SRP54: variants seen among roughly 807,000 people sequenced by gnomAD.
SRP54 encodes the protein signal recognition particle 54.
A neutral mutation model predicts 64.8 loss-of-function variants in SRP54; 10 were observed. That is an observed-to-expected ratio of 0.15 (90% confidence interval 0.10 to 0.26). The LOEUF is 0.26. Among genes scored for constraint, SRP54 ranks in the 10% least tolerant of loss-of-function variants. SRP54 has a pLI of 1.00. For missense variants in SRP54, 325 were observed against 613.7 expected (o/e 0.53, Z 4.97); for synonymous variants, 193 against 185.6 (o/e 1.04, Z -0.32).
At chr14:35,011,111 A>G (rs1487081589) in intron 7 of SRP54, among the ~76,000 whole-genome samples, 1 of 151,402 alleles carries the variant, frequency 6.6e-6, no homozygotes, top group Non-Finnish European at 1.5e-5. Flanking sequence ...TTTTGTAGAG[A>G]TGGAATCTCA....
chr14:35,014,455 T>C (rs376334843), intron 10 of SRP54, among the ~76,000 whole-genome samples: 1 of 152,010 alleles, frequency 6.6e-6, no homozygotes, highest in East Asian at 1.9e-4. Context: ...TTTTTTTTTA[T>C]TTTTAGTAGA....
chr14:35,026,220 G>GT (rs750286247), intron 14 of SRP54, among the ~76,000 whole-genome samples: 3 of 132,306 alleles, frequency 2.3e-5, no homozygotes, highest in Admixed American at 1.5e-4. Flanking sequence ...TTTTTTGTTT[G>GT]TTTGTTTTGT....
intron 1 of SRP54, among the ~76,000 whole-genome samples, chr14:34,988,801 T>C (rs2138960825): frequency 6.6e-6 from 1 of 151,886 alleles, no homozygotes; most frequent in East Asian, 1.9e-4. Flanking sequence ...TGTCTCTTGC[T>C]ATCTGGGGGG....
At chr14:34,991,109 CTTTTTT>C (rs71435838) in intron 1 of SRP54, among the ~76,000 whole-genome samples, 7 of 111,080 alleles carry the variant, frequency 6.3e-5, no homozygotes, top group African/African-American at 9.9e-5. Context: ...AATTTCTTTT[CTTTTTT>C]TTTTTTTTTT....
Position 34,983,086 on chromosome 14 carries a change from C to G in SRP54, c.-163C>G, listed in dbSNP as rs1402018766. Reference sequence around the variant, plus strand: ...CGTTGGGACCCTACTTTATCTAGTTCGGGAAGTTGGGTTGTGGGGTCATAC... The same window carrying G: ...CGTTGGGACCCTACTTTATCTAGTTGGGGAAGTTGGGTTGTGGGGTCATAC... On this transcript the variant is annotated 5_prime_UTR_variant, in exon 1 of 16. Transcript: ENST00000216774. The G allele has an allele frequency of 1.3e-5, 2 of 152,226 alleles. No individual in the cohort carries two copies. Among genetic ancestry groups the G allele is most frequent in the African/African-American group, 2.4e-5 (1 of 41,440 alleles). 9.4% of individuals were successfully genotyped at this position (152,226 alleles called of 1,614,324 possible). A position where few individuals can be genotyped will look rare whatever the true frequency, so the allele number is the denominator to read the frequency against.
At chr14:35,014,506 C>CT (rs2044407656) in intron 10 of SRP54, among the ~76,000 whole-genome samples, 1 of 152,060 alleles carries the variant, frequency 6.6e-6, no homozygotes. Flanking sequence ...TCTCAAACTC[C>CT]TGACCTCAGG....
intron 4 of SRP54, chr14:35,004,470 A>T (rs533413299): frequency 6.6e-6 from 1 of 152,328 alleles, no homozygotes; most frequent in East Asian, 1.9e-4. Flanking sequence ...ATTTACCAGT[A>T]TAAGATTCAT....
At chr14:35,024,610 C>CT (rs1217322279) in intron 14 of SRP54, among the ~76,000 whole-genome samples, 1 of 148,794 alleles carries the variant, frequency 6.7e-6, no homozygotes, top group East Asian at 1.9e-4. Flanking sequence ...GCCAGCCTAT[C>CT]TTTTTTTATT....
intron 1 of SRP54, among the ~76,000 whole-genome samples, chr14:34,987,028 C>G (rs879518671): frequency 3.3e-5 from 5 of 151,536 alleles, no homozygotes; most frequent in African/African-American, 1.2e-4. Context: ...GTCAGGAGAT[C>G]CAGAGCATCC....
chr14:34,997,078 G>C (rs2044083454), intron 2 of SRP54, among the ~76,000 whole-genome samples: 1 of 151,926 alleles, frequency 6.6e-6, no homozygotes, highest in Non-Finnish European at 1.5e-5. Context: ...CTTAAATCTG[G>C]AACTGTACTT....
chr14:34,993,517 C>G (rs899909068), intron 1 of SRP54: 2 of 151,682 alleles, frequency 1.3e-5, no homozygotes, highest in African/African-American at 4.8e-5. Flanking sequence ...CCAAATTGTA[C>G]TTGAGTGAAA....
chr14:34,994,024 C>G (rs1467408823), intron 1 of SRP54, among the ~76,000 whole-genome samples: 1 of 150,740 alleles, frequency 6.6e-6, no homozygotes, highest in East Asian at 2.0e-4. Flanking sequence ...TACGGACTTT[C>G]TCTCTTGTTG....
chr14:35,008,966 AACC>A, intron 7 of SRP54, 135 bp downstream of exon 7: 2 of 609,578 alleles, frequency 3.3e-6, no homozygotes, highest in Middle Eastern at 4.7e-4. Context: ...GGCTCACTGC[AACC>A]ACCACCTCCT....
At chr14:34,985,454 C>G (rs530302016) in intron 1 of SRP54, among the ~76,000 whole-genome samples, 2 of 152,202 alleles carry the variant, frequency 1.3e-5, no homozygotes, top group Admixed American at 6.5e-5. Context: ...TTGCCATAAC[C>G]ATTTGGTCAT....
intron 1 of SRP54, among the ~76,000 whole-genome samples, chr14:34,994,351 G>A (rs1219553960): frequency 2.0e-5 from 3 of 152,104 alleles, no homozygotes; most frequent in Non-Finnish European, 4.4e-5. Context: ...GATCTAGTCT[G>A]GATAATCTTG....
chr14:34,987,282 T>TAC (rs1270761749), intron 1 of SRP54, among the ~76,000 whole-genome samples: 6 of 123,442 alleles, frequency 4.9e-5, no homozygotes, highest in Non-Finnish European at 1.1e-4. Context: ...TGTGTATATA[T>TAC]ATATACACAC....
intron 1 of SRP54, among the ~76,000 whole-genome samples, chr14:34,991,265 G>C (rs1375965988): frequency 6.7e-6 from 1 of 149,356 alleles, no homozygotes; most frequent in Non-Finnish European, 1.5e-5. Context: ...GAGTACCTGG[G>C]ATTACAGGCA....
chr14:34,990,079 G>GCCTT (rs1184183647), intron 1 of SRP54, among the ~76,000 whole-genome samples: 1 of 152,108 alleles, frequency 6.6e-6, no homozygotes, highest in East Asian at 1.9e-4. Flanking sequence ...CCCTGTGATT[G>GCCTT]CCTTACTTAG....
chr14:34,998,773 A>T (rs776498104), intron 2 of SRP54, among the ~76,000 whole-genome samples: 1 of 151,490 alleles, frequency 6.6e-6, no homozygotes, highest in Non-Finnish European at 1.5e-5. Flanking sequence ...AGATCACGCC[A>T]TTGCACTCCA....
Sources: gnomAD v4.1 joint callset for allele counts (sites outside exome capture counted in the v4.1 genomes callset) on GRCh38, gnomAD v4.1.1 for gene constraint, MANE v1.5 for transcripts, NCBI Gene and HGNC (gene_info 2026-07-23, HGNC 2026-07-21) for gene names.